ANKRD31: variants seen among roughly 807,000 people sequenced by gnomAD.
ANKRD31 encodes the protein ankyrin repeat domain 31.
A neutral mutation model predicts 186.0 loss-of-function variants in ANKRD31; 147 were observed. The observed-to-expected ratio is 0.79, with a 90% CI of 0.69 to 0.91. The LOEUF is 0.91. Ranked by LOEUF, ANKRD31 falls within the 40% of genes least tolerant of loss-of-function variation. The probability of loss-of-function intolerance (pLI) is 0.00; values close to 1 mark genes in which losing one functional copy is unlikely to be tolerated. For synonymous variants in ANKRD31, 673 were observed against 736.4 expected (o/e 0.91, Z 1.39); for missense variants, 1,986 against 2,148.8 (o/e 0.92, Z 1.50).
chr5:75,091,508 T>C, intron 22 of ANKRD31, 107 bp from the exon 23 acceptor site: 2 of 987,354 alleles, frequency 2.0e-6, no homozygotes, highest in East Asian at 2.6e-5. Flanking sequence ...CCCTAACACC[T>C]GATGTATTTT....
chr5:75,138,783 T>G lies in ANKRD31; in HGVS notation c.3733+63A>C, dbSNP rs944686455. The G allele has an allele frequency of 2.0e-6, 3 of 1,466,930 alleles. 1 individual carries two copies. The highest frequency in any genetic ancestry group is 2.6e-5 in the South Asian group (2 of 75,642). 90.9% of individuals were successfully genotyped at this position (1,466,930 alleles called of 1,614,324 possible). A position where few individuals can be genotyped will look rare whatever the true frequency, so the allele number is the denominator to read the frequency against. On this transcript the variant is annotated intron_variant, in intron 16 of 25. Transcript: ENST00000506364. The stretch of plus-strand genomic sequence containing the variant: ...GGAACAAATTGGAGGGGGCAGGAGG[T>G]GTTGAAATGTGTATTTCAGTGAGTT...
At chr5:75,177,676 C>G (rs1753918347) in intron 10 of ANKRD31, among the ~76,000 whole-genome samples, 1 of 152,106 alleles carries the variant, frequency 6.6e-6, no homozygotes, top group Admixed American at 6.5e-5. Flanking sequence ...TACAGACAAG[C>G]AAATGCTGAG....
intron 17 of ANKRD31, among the ~76,000 whole-genome samples, chr5:75,130,056 CAG>C (rs1749638861): frequency 6.6e-6 from 1 of 152,106 alleles, no homozygotes; most frequent in South Asian, 2.1e-4. Context: ...ATGGCGTGTC[CAG>C]AGTTTGTTCC....
At position 75,199,639 on chromosome 5, in the gene ANKRD31, T is replaced by A; in HGVS notation, c.439A>T (p.Ile147Leu). ...CTGTTATACAGACCAACCTTTTCTA[T>A]GTGTGGCAAAACTTCAGGACTTTCA... ...EAESPEVLPH[I>L]EKELSEGRDS... Residue 147 changes from isoleucine (I) to leucine (L), a missense_variant, in exon 6 of 26, where the codon ATA (isoleucine) becomes TTA (leucine). Coordinates refer to ENST00000506364, the MANE Select transcript of ANKRD31 (RefSeq NM_001372053.1). 6.5e-7 allele frequency: 1 copy of A among 1,532,524 alleles called. No individual in the cohort carries two copies. The highest frequency in any genetic ancestry group is 2.5e-5 in the East Asian group (1 of 40,546). The allele number at this position is 1,532,524 out of a possible 1,614,324, so 94.9% of individuals were successfully genotyped here. A position where few individuals can be genotyped will look rare whatever the true frequency, so the allele number is the denominator to read the frequency against.
intron 25 of ANKRD31, among the ~76,000 whole-genome samples, chr5:75,075,536 A>G (rs550797520): frequency 6.6e-6 from 1 of 152,352 alleles, no homozygotes; most frequent in African/African-American, 2.4e-5. Context: ...AATACTCAAT[A>G]TACTCACTGT....
intron 25 of ANKRD31, among the ~76,000 whole-genome samples, chr5:75,072,108 C>CTA (rs1363402306): frequency 3.3e-5 from 5 of 152,202 alleles, no homozygotes; most frequent in Non-Finnish European, 7.3e-5. Flanking sequence ...TTGACATTAA[C>CTA]TATTATTTTA....
At chr5:75,123,373 T>G (rs1367381614) in intron 17 of ANKRD31, among the ~76,000 whole-genome samples, 1 of 151,974 alleles carries the variant, frequency 6.6e-6, no homozygotes, top group Non-Finnish European at 1.5e-5. Flanking sequence ...TCCAAAACAA[T>G]ATACAGATTC....
chr5:75,100,306 A>G (rs1219331811), intron 22 of ANKRD31, among the ~76,000 whole-genome samples: 1 of 152,078 alleles, frequency 6.6e-6, no homozygotes, highest in African/African-American at 2.4e-5. Context: ...TATAAATTCC[A>G]TTCTTTTACA....
At position 75,166,386 on chromosome 5, in the gene ANKRD31, G is replaced by A. The variant is rs536834616; in HGVS notation, c.1707+2593C>T. Among the ~76,000 whole-genome samples the A allele has an allele frequency of 3.8e-4, 58 of 152,204 alleles. No individual in the cohort carries two copies. In the South Asian group the frequency reaches 5.8e-3, roughly 15 times the overall value. On this transcript the variant is annotated intron_variant, in intron 11 of 25. Transcript: ENST00000506364. ...CTCAAGAGGCTGAGGCACAAGAAGCGCTTGAGCCTAGGAGGCAGAGGTGGC... is the reference window on the plus strand; with the variant it reads ...CTCAAGAGGCTGAGGCACAAGAAGCACTTGAGCCTAGGAGGCAGAGGTGGC...
intron 6 of ANKRD31, among the ~76,000 whole-genome samples, chr5:75,196,931 C>T (rs1755506310): frequency 6.6e-6 from 1 of 151,358 alleles, no homozygotes; most frequent in Non-Finnish European, 1.5e-5. Flanking sequence ...GATGAGGTCT[C>T]ACTCTGTCAC....
At position 75,146,521 on chromosome 5, in the gene ANKRD31, T is replaced by C; in HGVS notation, c.2890A>G (p.Thr964Ala). ...QENELKAVSL[T>A]TLPEQEAVNF... The stretch of plus-strand genomic sequence containing the variant: ...ACAGCTTCCTGTTCTGGAAGTGTGG[T>C]TAGGCTGACTGCTTTTAACTCATTT... The change falls in exon 14 of 26, where the codon ACC becomes GCC. Residue 964 changes from threonine to alanine, a missense_variant. By Grantham distance (58) the Thr-to-Ala change is moderately conservative. Transcript: ENST00000506364. 1 of 1,536,532 alleles carries C rather than the reference T, an allele frequency of 6.5e-7. No individual in the cohort carries two copies. Among genetic ancestry groups the C allele is most frequent in the Non-Finnish European group, 8.7e-7 (1 of 1,146,460 alleles).
chr5:75,069,526 GTTTTTTGTTTTT>G (rs1240391315), intron 25 of ANKRD31, among the ~76,000 whole-genome samples: 2 of 151,864 alleles, frequency 1.3e-5, no homozygotes, highest in Admixed American at 6.6e-5. Context: ...CATGTAATGA[GTTTTTTGTTTTT>G]GTTTTTGTTT....
At chr5:75,091,940 G>A (rs1157847220) in intron 22 of ANKRD31, among the ~76,000 whole-genome samples, 1 of 152,098 alleles carries the variant, frequency 6.6e-6, no homozygotes, top group African/African-American at 2.4e-5. Flanking sequence ...GGCTTGTAAG[G>A]TGGTGGTTTC....
intron 9 of ANKRD31, among the ~76,000 whole-genome samples, chr5:75,191,000 AT>A (rs1309758658): frequency 6.6e-6 from 1 of 152,120 alleles, no homozygotes; most frequent in Non-Finnish European, 1.5e-5. Flanking sequence ...TAATTTTATC[AT>A]TCTTTAAAAG....
At chr5:75,190,720 T>G (rs1239305216) in intron 9 of ANKRD31, among the ~76,000 whole-genome samples, 1 of 151,992 alleles carries the variant, frequency 6.6e-6, no homozygotes, top group Non-Finnish European at 1.5e-5. Context: ...AATTAATTAT[T>G]GTTATTATTA....
In ANKRD31 at chr5:75,118,279, G is replaced by GAT; in HGVS notation, c.3894_3895insAT (p.Gln1299IlefsTer26). The GAT allele has an allele frequency of 6.7e-7, 1 of 1,498,898 alleles. No homozygotes were observed. The allele number at this position is 1,498,898 out of a possible 1,614,324, so 92.8% of individuals were successfully genotyped here. A position where few individuals can be genotyped will look rare whatever the true frequency, so the allele number is the denominator to read the frequency against. On this transcript the variant is annotated frameshift_variant, in exon 18 of 26. Transcript: ENST00000506364. LOFTEE classifies it high-confidence loss of function. ...TTTTGATTAGGGTTTGCTCCATTTTGTAGTAGAATCTCAGCTGCCTACAAA... is the reference window on the plus strand; with the variant it reads ...TTTTGATTAGGGTTTGCTCCATTTTGATTAGTAGAATCTCAGCTGCCTACAAA...
chr5:75,131,195 C>T (rs1294540823), intron 17 of ANKRD31, among the ~76,000 whole-genome samples: 4 of 152,320 alleles, frequency 2.6e-5, no homozygotes, highest in Non-Finnish European at 4.4e-5. Flanking sequence ...GGAGTGGGCT[C>T]CATGCTCTGC....
chr5:75,141,999 A>C (rs1457167910), intron 15 of ANKRD31, among the ~76,000 whole-genome samples: 1 of 152,176 alleles, frequency 6.6e-6, no homozygotes, highest in East Asian at 1.9e-4. Flanking sequence ...AATCTGATAG[A>C]AATTCAAAAG....
chr5:75,236,362 A>T (rs1306291934), intron 1 of ANKRD31, among the ~76,000 whole-genome samples: 1 of 152,214 alleles, frequency 6.6e-6, no homozygotes, highest in Non-Finnish European at 1.5e-5. Context: ...CACCTAGTAC[A>T]AACCTCATTT....
Sources: gnomAD v4.1 joint callset for allele counts (sites outside exome capture counted in the v4.1 genomes callset) on GRCh38, gnomAD v4.1.1 for gene constraint, MANE v1.5 for transcripts, NCBI Gene and HGNC (gene_info 2026-07-23, HGNC 2026-07-21) for gene names.